POLQ: variants seen among roughly 807,000 people sequenced by gnomAD.
POLQ encodes the protein epididymis secretory sperm binding protein.
In POLQ, 233 loss-of-function variants were observed where a neutral mutation model predicts 259.2. The ratio of observed to expected loss-of-function variants is 0.90; its 90% confidence interval spans 0.81 to 1.00. The LOEUF (loss-of-function observed/expected upper bound fraction) is 1.00, where lower values mean the gene tolerates loss of function less well. POLQ is among the 50% of genes least tolerant of loss of function. The pLI is 0.00. For synonymous variants in POLQ, 1,025 were observed against 1,048.8 expected, an observed-to-expected ratio of 0.98 and a Z score of 0.44; for missense variants, 2,871 against 3,051.6, an observed-to-expected ratio of 0.94 and a Z score of 1.39.
Position 121,488,998 on chromosome 3 carries a change from T to A in POLQ, c.3933A>T (p.Leu1311Phe), listed in dbSNP as rs760078576. The A allele has an allele frequency of 6.2e-7, 1 of 1,613,078 alleles. No homozygotes were observed. Among genetic ancestry groups the A allele is most frequent in the Admixed American group, 1.7e-5 (1 of 59,946 alleles). ...NKTKNNHVSD[L>F]GLVLCDFEDS... ...CTTCAAAATCACAGAGGACTAAACC[T>A]AAGTCAGAAACATGATTATTTTTAG... Residue 1311 changes from leucine (L) to phenylalanine (F), a missense_variant, in exon 16 of 30, where the codon TTA becomes TTT. Physicochemically the swap from Leu to Phe is conservative, Grantham distance 22. This residue lies in a region of POLQ where 2,080 missense variants were observed against 2,126.0 expected (regional missense o/e 0.98). Transcript: ENST00000264233.
intron 20 of POLQ, 69 bp downstream of exon 20, chr3:121,476,471 C>T (rs1017778553): frequency 6.9e-5 from 79 of 1,149,412 alleles, no homozygotes; most frequent in Admixed American, 1.3e-4. Context: ...CACACACACA[C>T]ACACACACAC....
At chr3:121,490,567 T>C in intron 15 of POLQ, 159 bp from the exon 16 acceptor site, 1 of 642,092 alleles carries the variant, frequency 1.6e-6, no homozygotes, top group Non-Finnish European at 2.7e-6. Context: ...AGCTGGGGAA[T>C]TCAGAAAATA....
chr3:121,519,675 C>CAA (rs959037678), intron 9 of POLQ, among the ~76,000 whole-genome samples, 196 bp downstream of exon 9: 107 of 59,566 alleles, frequency 1.8e-3, no homozygotes, highest in Non-Finnish European at 2.8e-3. Flanking sequence ...GACTCCGTCT[C>CAA]AAAAAAAAAA....
chr3:121,457,636 G>T (rs1413585304), intron 25 of POLQ, among the ~76,000 whole-genome samples: 1 of 152,170 alleles, frequency 6.6e-6, no homozygotes, highest in Non-Finnish European at 1.5e-5. Flanking sequence ...ATGAAAAAAT[G>T]CTCATCATCA....
chr3:121,442,169 T>G (rs1050050064), intron 26 of POLQ, among the ~76,000 whole-genome samples: 47 of 152,202 alleles, frequency 3.1e-4, no homozygotes, highest in African/African-American at 1.1e-3. Flanking sequence ...TTAATTTTTG[T>G]GGGTATATAG....
chr3:121,522,048 C>G lies in POLQ; in HGVS notation c.1210G>C (p.Val404Leu), dbSNP rs1367483611. Reference protein sequence around the residue: ...LRRLPSGLDSVLQKTVPWGVA... With the variant: ...LRRLPSGLDSLLQKTVPWGVA... ...CCCCATGGTACAGTTTTCTGTAATA[C>G]AGAGTCCAGTCCTGAAGGCAAACGT... The change falls in exon 8 of 30, where the codon GTA becomes CTA. Residue 404 changes from valine (V) to leucine (L), a missense_variant. Physicochemically the swap from Val to Leu is conservative, Grantham distance 32. Coordinates refer to ENST00000264233, the MANE Select transcript of POLQ (RefSeq NM_199420.4). 6.2e-7 allele frequency: 1 copy of G among 1,604,882 alleles called. No homozygotes were observed. Among genetic ancestry groups the G allele is most frequent in the Admixed American group, 1.7e-5 (1 of 58,594 alleles).
chr3:121,545,045 G>A (rs1451621740), intron 1 of POLQ, 139 bp from the exon 2 acceptor site: 1 of 569,374 alleles, frequency 1.8e-6, no homozygotes, highest in Non-Finnish European at 3.1e-6. Context: ...AGAATCTTAT[G>A]AGAAATTGAC....
At chr3:121,497,362 A>G (rs1309894775) in intron 13 of POLQ, among the ~76,000 whole-genome samples, 1 of 152,240 alleles carries the variant, frequency 6.6e-6, no homozygotes, top group Non-Finnish European at 1.5e-5. Flanking sequence ...ATATAAATCC[A>G]AGTATATAAA....
chr3:121,490,119 T>TA lies in POLQ; in HGVS notation c.2811_2812insT (p.Asn938Ter). 2 of 1,605,864 alleles carry TA rather than the reference T, an allele frequency of 1.2e-6. No homozygotes were observed. The highest frequency in any genetic ancestry group is 1.7e-6 in the Non-Finnish European group (2 of 1,174,506). ...TCACTAAATATTGTGTTACTTTTGT[T>TA]CTTTGATGTTAATTTTTTATAAGAA... On this transcript the variant is annotated frameshift_variant, in exon 16 of 30. Coordinates refer to ENST00000264233, the MANE Select transcript of POLQ (RefSeq NM_199420.4). LOFTEE classifies it high-confidence loss of function.
rs952085232 is a variant in POLQ, at chr3:121,490,405, G to A, written c.2526C>T (p.Ala842=). 2 of 1,613,048 alleles carry A rather than the reference G, an allele frequency of 1.2e-6. No individual in the cohort carries two copies. Among genetic ancestry groups the A allele is most frequent in the Admixed American group, 3.3e-5 (2 of 59,978 alleles). Residue 842 remains alanine (A), a synonymous_variant, in exon 16 of 30, where the codon GCC becomes GCT. Coordinates refer to ENST00000264233, the MANE Select transcript of POLQ (RefSeq NM_199420.4). ...ILKNAVPFKS[A]RKAVDEEEEA... Reference sequence around the variant, plus strand: ...CCTCTTCCTCATCCACTGCCTTCCGGGCACTACACAAGGAGATGGGAAAAG... The same window carrying A: ...CCTCTTCCTCATCCACTGCCTTCCGAGCACTACACAAGGAGATGGGAAAAG...
At chr3:121,498,942 G>A (rs1173133633) in intron 12 of POLQ, among the ~76,000 whole-genome samples, 3 of 152,188 alleles carry the variant, frequency 2.0e-5, no homozygotes, top group East Asian at 3.9e-4. Flanking sequence ...ATGGCTGACT[G>A]TGGTGGTTCA....
chr3:121,508,152 G>T (rs972320807), intron 12 of POLQ, among the ~76,000 whole-genome samples: 18 of 151,128 alleles, frequency 1.2e-4, no homozygotes, highest in Admixed American at 2.7e-4. Flanking sequence ...GAACAAGTTT[G>T]GGAACACAAC....
At chr3:121,451,460 G>A (rs1490019707) in intron 25 of POLQ, among the ~76,000 whole-genome samples, 1 of 152,210 alleles carries the variant, frequency 6.6e-6, no homozygotes, top group Non-Finnish European at 1.5e-5. Context: ...GTACAGATGG[G>A]GTTTTGGTGT....
Position 121,493,643 on chromosome 3 carries a change from G to A in POLQ, c.2357C>T (p.Thr786Met), listed in dbSNP as rs747918701. The A allele has an allele frequency of 1.1e-5, 17 of 1,614,042 alleles. No homozygotes were observed. The highest frequency in any genetic ancestry group is 2.2e-5 in the East Asian group (1 of 44,878). Residue 786 changes from threonine (T) to methionine (M), a missense_variant, in exon 15 of 30, where the codon ACG becomes ATG. Thr to Met is a moderately conservative substitution (Grantham distance 81). Transcript: ENST00000264233. ...LLLSQFQKRL[T>M]FGIQRELCDL... ...ACACAGCTCCCTCTGGATGCCAAACGTAAGACGCTTCTGAAATTGGGAAAG... is the reference window on the plus strand; with the variant it reads ...ACACAGCTCCCTCTGGATGCCAAACATAAGACGCTTCTGAAATTGGGAAAG...
Position 121,544,773 on chromosome 3 carries a change from G to A in POLQ, c.297C>T (p.Cys99=). The A allele has an allele frequency of 6.2e-7, 1 of 1,613,380 alleles. No homozygotes were observed. Among genetic ancestry groups the A allele is most frequent in the Middle Eastern group, 1.7e-4 (1 of 6,058 alleles). The change falls in exon 2 of 30, where the codon TGC becomes TGT. Residue 99 remains cysteine, a synonymous_variant. Transcript: ENST00000264233. ...CTTCCAGGACTTGTCCAAGCAAAAG[G>A]CACTCTGCCTGCCATTCAAACATCT... ...VKKMFEWQAE[C]LLLGQVLEGK...
chr3:121,493,692 C>T lies in POLQ; in HGVS notation c.2308G>A (p.Gly770Ser), dbSNP rs2108800740. 6.2e-7 allele frequency: 1 copy of T among 1,613,752 alleles called. No individual in the cohort carries two copies. Among genetic ancestry groups the T allele is most frequent in the South Asian group, 1.1e-5 (1 of 91,058 alleles). ...GMITVFSNRLGWHNMELLLSQ... is the reference protein window; with the variant it reads ...GMITVFSNRLSWHNMELLLSQ... The stretch of plus-strand genomic sequence containing the variant: ...AGTAGTAGTTCCATGTTGTGCCAGC[C>T]CAGACGGTTGGAAAATACTGTAATC... The change falls in exon 15 of 30, where the codon GGC becomes AGC. Residue 770 changes from glycine (G) to serine (S), a missense_variant. Coordinates refer to ENST00000264233, the MANE Select transcript of POLQ (RefSeq NM_199420.4).
intron 3 of POLQ, 112 bp from the exon 4 acceptor site, chr3:121,539,701 ACT>A: frequency 1.3e-6 from 1 of 765,364 alleles, no homozygotes; most frequent in Non-Finnish European, 2.2e-6. Context: ...CTACCAGATT[ACT>A]GTCATCAGTT....
At chr3:121,451,875 G>A (rs958122880) in intron 25 of POLQ, among the ~76,000 whole-genome samples, 2 of 152,226 alleles carry the variant, frequency 1.3e-5, no homozygotes, top group African/African-American at 4.8e-5. Flanking sequence ...GCTATGCCCT[G>A]CCCCCAGAGG....
rs1475678912 is a variant in POLQ at position 121,481,190 on chromosome 3, A to G, written c.6211+382T>C. Among the ~76,000 whole-genome samples the G allele has an allele frequency of 2.0e-5, 3 of 152,366 alleles. No individual in the cohort carries two copies. In the East Asian group the frequency reaches 5.8e-4, roughly 29 times the overall value. ...AGGGTGAATAAAAATCCTTTGATAA[A>G]GTTCAAATACAAAATTACCAACAAC... is the stretch of plus-strand genomic sequence containing the variant. On this transcript the variant is annotated intron_variant, in intron 19 of 29. Coordinates refer to ENST00000264233, the MANE Select transcript of POLQ (RefSeq NM_199420.4).
Sources: allele counts gnomAD v4.1 joint callset (sites outside exome capture counted in the v4.1 genomes callset), GRCh38; gene constraint gnomAD v4.1.1; regional missense constraint gnomAD v4.1.1; transcripts MANE v1.5; gene names NCBI Gene and HGNC (gene_info 2026-07-23, HGNC 2026-07-21).